MRTFB: variants seen among roughly 807,000 people sequenced by gnomAD.
The protein encoded by MRTFB is myocardin-related transcription factor B.
MRTFB carries 29 observed loss-of-function variants against 104.2 expected under a neutral mutation model. That is an observed-to-expected ratio of 0.28 (90% CI 0.21 to 0.38). The LOEUF (loss-of-function observed/expected upper bound fraction) is 0.38. Among genes scored for constraint, MRTFB ranks in the 10% least tolerant of loss-of-function variants. MRTFB has a pLI of 1.00. For synonymous variants in MRTFB, 535 were observed against 519.5 expected, an observed-to-expected ratio of 1.03 and a Z score of -0.41; for missense variants, 1,270 against 1,341.6, an observed-to-expected ratio of 0.95 and a Z score of 0.83.
intron 3 of MRTFB, among the ~76,000 whole-genome samples, chr16:14,155,565 G>A (rs192831273): frequency 6.6e-6 from 1 of 152,286 alleles, no homozygotes; most frequent in East Asian, 1.9e-4. Flanking sequence ...TTCAGTTAAA[G>A]AAAGTTGGGC....
chr16:14,056,275 G>A, the MRTFB span, among the ~76,000 whole-genome samples: 2 of 151,964 alleles, frequency 1.3e-5, no homozygotes, highest in Admixed American at 6.6e-5. Flanking sequence ...CACCATGCCC[G>A]GCCTATTAAT....
chr16:14,251,897 TC>T lies in MRTFB; in HGVS notation c.2441del (p.Pro814HisfsTer114). ...TNSASSNTVL[P>X]YQRHPAPAVQ... Reference sequence around the variant, plus strand: ...ACTCAGCATCATCAAATACAGTTCTTCCATATCAGAGACATCCTGCCCCAGC... The same window carrying T: ...ACTCAGCATCATCAAATACAGTTCTTCATATCAGAGACATCCTGCCCCAGC... On this transcript the variant is annotated frameshift_variant, in exon 14 of 17. Coordinates refer to ENST00000571589, the MANE Select transcript of MRTFB (RefSeq NM_001308142.2). LOFTEE classifies it high-confidence loss of function. 6.2e-7 allele frequency: 1 copy of T among 1,614,190 alleles called. No homozygotes were observed. The highest frequency in any genetic ancestry group is 8.5e-7 in the Non-Finnish European group (1 of 1,180,034).
rs1456619625 is a variant in MRTFB at position 14,263,062 on chromosome 16, A to G, written c.*1618A>G. The G allele has an allele frequency of 6.6e-6, 1 of 152,354 alleles. No homozygotes were observed. Among genetic ancestry groups the G allele is most frequent in the African/African-American group, 2.4e-5 (1 of 41,416 alleles). The allele number at this position is 152,354 out of a possible 1,614,324, so 9.4% of individuals were successfully genotyped here. ...TTTATAAATTTTACTACGTGTAACA[A>G]AAGTCTGCTTTTCCAGCATGAGCAC... is the stretch of plus-strand genomic sequence containing the variant. On this transcript the variant is annotated 3_prime_UTR_variant, in exon 17 of 17. Transcript: ENST00000571589.
intron 2 of MRTFB, among the ~76,000 whole-genome samples, chr16:14,102,607 A>G (rs908026288): frequency 7.2e-5 from 11 of 152,204 alleles, no homozygotes; most frequent in African/African-American, 2.4e-4. Flanking sequence ...AGACTTACAG[A>G]TATTATTTAT....
chr16:14,234,091 C>T, intron 8 of MRTFB, 55 bp from the exon 9 acceptor site: 1 of 1,578,090 alleles, frequency 6.3e-7, no homozygotes, highest in Non-Finnish European at 8.6e-7. Flanking sequence ...TCTAATTTTT[C>T]TGTTTTTATG....
rs1375987374 is a variant in MRTFB at position 14,252,360 on chromosome 16, C to T, written c.2566-5C>T. The T allele has an allele frequency of 3.7e-6, 6 of 1,612,572 alleles. No individual in the cohort carries two copies. Among genetic ancestry groups the T allele is most frequent in the Middle Eastern group, 1.7e-4 (1 of 6,052 alleles). ...TAATGTGCACTCCTCCTTTATTTGA[C>T]ACAGCCTAGTTCACCCCCGCCACCC... On this transcript the variant is annotated splice_region_variant and splice_polypyrimidine_tract_variant and intron_variant, in intron 14 of 16. Coordinates refer to ENST00000571589, the MANE Select transcript of MRTFB (RefSeq NM_001308142.2).
At chr16:14,003,640 GCCTCCCTC>G in the MRTFB span, among the ~76,000 whole-genome samples, 3,863 of 146,702 alleles carry the variant, frequency 0.026, 58 homozygotes, top group Middle Eastern at 0.073. Context: ...CTGCCTGCCT[GCCTCCCTC>G]CCTCCCTCCC....
chr16:14,043,660 C>G, the MRTFB span, among the ~76,000 whole-genome samples: 10 of 152,204 alleles, frequency 6.6e-5, no homozygotes, highest in African/African-American at 2.4e-4. Context: ...TGAGCCTCAC[C>G]TTTTCTACCT....
chr16:14,162,674 G>A (rs906723753), intron 3 of MRTFB, among the ~76,000 whole-genome samples: 3 of 152,134 alleles, frequency 2.0e-5, no homozygotes, highest in Non-Finnish European at 2.9e-5. Flanking sequence ...TACAAAAACA[G>A]GCTGAACTAC....
Position 14,262,685 on chromosome 16 carries a change from AAC to A in MRTFB, c.*1243_*1244del, listed in dbSNP as rs2043817693. ...GCTTTATTAGTGTTTTTATATAGAAAACAGTTATTACATATGTGTTAAGTCAT... is the reference window on the plus strand; with the variant it reads ...GCTTTATTAGTGTTTTTATATAGAAAAGTTATTACATATGTGTTAAGTCAT... On this transcript the variant is annotated 3_prime_UTR_variant, in exon 17 of 17. Coordinates refer to ENST00000571589, the MANE Select transcript of MRTFB (RefSeq NM_001308142.2). The A allele has an allele frequency of 6.6e-6, 1 of 152,254 alleles. No individual in the cohort carries two copies. The highest frequency in any genetic ancestry group is 2.1e-4 in the South Asian group (1 of 4,834). 9.4% of individuals were successfully genotyped at this position (152,254 alleles called of 1,614,324 possible).
At chr16:14,237,125 C>T (rs2042552081) in intron 9 of MRTFB, among the ~76,000 whole-genome samples, 1 of 152,058 alleles carries the variant, frequency 6.6e-6, no homozygotes. Context: ...GAGTGCAGAC[C>T]TTAGGAGAGA....
In MRTFB at chr16:14,213,588, G is replaced by A. The variant is rs1348671625; in HGVS notation, c.320G>A (p.Arg107His). 2.5e-6 allele frequency: 4 copies of A among 1,603,322 alleles called. No individual in the cohort carries two copies. Among genetic ancestry groups the A allele is most frequent in the South Asian group, 1.1e-5 (1 of 88,580 alleles). ...CACAAGATTCGGAGTCGACCAGATC[G>A]TTCTGAACTTGTCAGGATGCACATT... ...LKHKIRSRPD[R>H]SELVRMHILE... The change falls in exon 6 of 17, where the codon CGT becomes CAT. Residue 107 changes from arginine (R) to histidine (H), a missense_variant. Arg to His is a conservative substitution (Grantham distance 29). Around this residue, in one of 3 missense-constraint regions of MRTFB, gnomAD observed 64 missense variants for 152.9 expected, o/e 0.42. Transcript: ENST00000571589.
chr16:14,103,733 T>C (rs529605047), intron 2 of MRTFB, among the ~76,000 whole-genome samples: 5 of 152,364 alleles, frequency 3.3e-5, no homozygotes, highest in Admixed American at 2.0e-4. Flanking sequence ...GCTACAAATA[T>C]AGTCTGCTTC....
chr16:14,012,233 C>CT, the MRTFB span, among the ~76,000 whole-genome samples: 20,636 of 127,604 alleles, frequency 0.16, 2,631 homozygotes, highest in African/African-American at 0.36. Flanking sequence ...TCTTTTTTTT[C>CT]TTTTTTTTTT....
chr16:14,164,914 G>C (rs2039176941), intron 3 of MRTFB, among the ~76,000 whole-genome samples: 1 of 150,226 alleles, frequency 6.7e-6, no homozygotes, highest in Non-Finnish European at 1.5e-5. Context: ...GGTTGACTCT[G>C]CATGTAGAAG....
intron 7 of MRTFB, among the ~76,000 whole-genome samples, chr16:14,217,930 G>A (rs78797387): frequency 0.16 from 24,294 of 152,102 alleles, 2,486 homozygotes; most frequent in Non-Finnish European, 0.22. Context: ...TGTTTCTGGC[G>A]TAAGCTTTAG....
intron 3 of MRTFB, among the ~76,000 whole-genome samples, chr16:14,183,343 A>T (rs999151854): frequency 2.0e-5 from 3 of 152,194 alleles, no homozygotes; most frequent in Non-Finnish European, 2.9e-5. Flanking sequence ...AGAAAGACTG[A>T]GAGAATGTTA....
intron 3 of MRTFB, among the ~76,000 whole-genome samples, chr16:14,183,307 A>C (rs902270521): frequency 2.0e-5 from 3 of 152,196 alleles, no homozygotes. Flanking sequence ...GCCTGTAATC[A>C]TCAAAATTCA....
intron 2 of MRTFB, among the ~76,000 whole-genome samples, chr16:14,114,661 G>C (rs892885593): frequency 1.3e-5 from 2 of 152,096 alleles, no homozygotes; most frequent in African/African-American, 4.8e-5. Context: ...CTTCCTCTCT[G>C]TAGTTTTTTT....
Sources: allele counts gnomAD v4.1 joint callset (sites outside exome capture counted in the v4.1 genomes callset), GRCh38; gene constraint gnomAD v4.1.1; regional missense constraint gnomAD v4.1.1; transcripts MANE v1.5; gene names NCBI Gene and HGNC (gene_info 2026-07-23, HGNC 2026-07-21).